The following GOLGA6L2 variants were observed in gnomAD, a reference collection of about 807,000 sequenced individuals.
GOLGA6L2 encodes golgin A6 family like 2.
In GOLGA6L2, 30 loss-of-function variants were observed where a neutral mutation model predicts 35.9. The ratio of observed to expected loss-of-function variants is 0.83; its 90% CI spans 0.62 to 1.13. The LOEUF is 1.13. GOLGA6L2 is among the 50% of genes most tolerant of loss of function. The pLI is 0.00. For missense variants in GOLGA6L2, 821 were observed against 973.4 expected, an observed-to-expected ratio of 0.84 and a Z score of 2.08; for synonymous variants, 297 against 344.0, an observed-to-expected ratio of 0.86 and a Z score of 1.51.
Position 23,439,794 on chromosome 15 carries a change from C to T in GOLGA6L2, c.2681G>A (p.Arg894Gln), listed in dbSNP as rs1256890624. 5 of 1,535,276 alleles carry T rather than the reference C, an allele frequency of 3.3e-6. No individual in the cohort carries two copies. The highest frequency in any genetic ancestry group is 4.4e-6 in the Non-Finnish European group (5 of 1,146,570). The change falls in exon 8 of 8, where the codon CGA (arginine) becomes CAA (glutamine). Residue 894 changes from arginine (R) to glutamine (Q), a missense_variant. Transcript: ENST00000567107. ...AGGCAGGGCTCTGAGCACCGCTCCTCGTGCTCTGGCAGCCTCTCCTGCATC... is the reference window on the plus strand; with the variant it reads ...AGGCAGGGCTCTGAGCACCGCTCCTTGTGCTCTGGCAGCCTCTCCTGCATC... ...REDAGEAARARGAVLRALPPS... is the reference protein window; with the variant it reads ...REDAGEAARAQGAVLRALPPS...
At chr15:23,441,772 A>G in intron 7 of GOLGA6L2, 90 bp from the exon 8 acceptor site, 1 of 1,390,856 alleles carries the variant, frequency 7.2e-7, no homozygotes. Context: ...AAAAATTTTT[A>G]AGCCTTAACA....
chr15:23,447,225 A>G lies in GOLGA6L2; in HGVS notation c.-44T>C. On this transcript the variant is annotated 5_prime_UTR_variant, in exon 1 of 8. Transcript: ENST00000567107. ...GACAAGGATACACCTCCAGTCACGTACCACGCAGCTATGTGACTGAGCCAG... is the reference window on the plus strand; with the variant it reads ...GACAAGGATACACCTCCAGTCACGTGCCACGCAGCTATGTGACTGAGCCAG... 3 of 1,101,066 alleles carry G rather than the reference A, an allele frequency of 2.7e-6. No homozygotes were observed. Among genetic ancestry groups the G allele is most frequent in the Non-Finnish European group, 4.2e-6 (3 of 715,918 alleles). 68.2% of individuals were successfully genotyped at this position (1,101,066 alleles called of 1,614,324 possible).
chr15:23,440,583 T>C lies in GOLGA6L2; in HGVS notation c.1892A>G (p.Glu631Gly), dbSNP rs2070657012. Residue 631 changes from glutamate (E) to glycine (G), a missense_variant, in exon 8 of 8, where the codon GAG (glutamate) becomes GGG (glycine). Transcript: ENST00000567107. Reference protein sequence around the residue: ...GPGGEDARGGEDAGAGEEDAG... With the variant: ...GPGGEDARGGGDAGAGEEDAG... The stretch of plus-strand genomic sequence containing the variant: ...ATCTTCTTCTCCCGCTCCCGCATCC[T>C]CTCCTCCTCTCGCATCTTCTCCTCC... The C allele has an allele frequency of 1.5e-6, 2 of 1,349,646 alleles. No homozygotes were observed. The highest frequency in any genetic ancestry group is 3.0e-5 in the African/African-American group (2 of 67,284). The allele number at this position is 1,349,646 out of a possible 1,614,324, so 83.6% of individuals were successfully genotyped here. A position where few individuals can be genotyped will look rare whatever the true frequency, so the allele number is the denominator to read the frequency against.
At position 23,439,798 on chromosome 15, in the gene GOLGA6L2, C is replaced by T; in HGVS notation, c.2677G>A (p.Ala893Thr). Residue 893 changes from alanine (A) to threonine (T), a missense_variant, in exon 8 of 8, where the codon GCA becomes ACA. Ala to Thr is a moderately conservative substitution (Grantham distance 58). Around this residue, in one of 7 missense-constraint regions of GOLGA6L2, gnomAD observed 48 missense variants for 42.7 expected, o/e 1.12. Coordinates refer to ENST00000567107, the MANE Select transcript of GOLGA6L2 (RefSeq NM_001304388.2). ...AGGGCTCTGAGCACCGCTCCTCGTG[C>T]TCTGGCAGCCTCTCCTGCATCTTCT... ...EREDAGEAARARGAVLRALPP... is the reference protein window; with the variant it reads ...EREDAGEAARTRGAVLRALPP... The T allele has an allele frequency of 1.3e-6, 2 of 1,533,014 alleles. No homozygotes were observed. The highest frequency in any genetic ancestry group is 1.7e-6 in the Non-Finnish European group (2 of 1,145,806). The allele number at this position is 1,533,014 out of a possible 1,614,324, so 95.0% of individuals were successfully genotyped here. A position where few individuals can be genotyped will look rare whatever the true frequency, so the allele number is the denominator to read the frequency against.
At chr15:23,441,919 C>G in intron 7 of GOLGA6L2, 60 bp downstream of exon 7, 1 of 1,522,670 alleles carries the variant, frequency 6.6e-7, no homozygotes, top group Non-Finnish European at 8.8e-7. Context: ...TTGCATGATC[C>G]CTAGACCATG....
In GOLGA6L2 at chr15:23,441,235, G is replaced by T. The variant is rs764848680; in HGVS notation, c.1240C>A (p.Arg414=). ...ERLREKEERM[R]EQEKMWEQVE... The stretch of plus-strand genomic sequence containing the variant: ...TGCTCCCACATCTTCTCCTGCTCCC[G>T]CATCCTCTCCTCCTTCTCCCGTAGC... Residue 414 remains arginine (R), a synonymous_variant, in exon 8 of 8, where the codon CGG becomes AGG. Transcript: ENST00000567107. The T allele has an allele frequency of 1.4e-5, 21 of 1,530,238 alleles. No homozygotes were observed. Among genetic ancestry groups the T allele is most frequent in the Non-Finnish European group, 1.7e-5 (20 of 1,144,008 alleles). The allele number at this position is 1,530,238 out of a possible 1,614,324, so 94.8% of individuals were successfully genotyped here. A position where few individuals can be genotyped will look rare whatever the true frequency, so the allele number is the denominator to read the frequency against.
Position 23,439,153 on chromosome 15 carries a change from C to CTTTT in GOLGA6L2, c.*588_*591dup, listed in dbSNP as rs3038535. On this transcript the variant is annotated 3_prime_UTR_variant, in exon 8 of 8. Transcript: ENST00000567107. ...AGATATCAGAGTCCTCAGGTAGAAA[C>CTTTT]TTTTTTTTTTTTTTTGAGATGGAAT... 0.76 allele frequency among the ~76,000 whole-genome samples: 104,913 copies of CTTTT among 138,470 alleles called. 41,061 individuals are homozygous for CTTTT. The highest frequency in any genetic ancestry group is 0.85 in the Middle Eastern group (217 of 256). 90.8% of individuals were successfully genotyped at this position (138,470 alleles called of 152,430 possible). A position where few individuals can be genotyped will look rare whatever the true frequency, so the allele number is the denominator to read the frequency against.
In GOLGA6L2 at chr15:23,439,920, T is replaced by G; in HGVS notation, c.2555A>C (p.Asp852Ala). 6.5e-7 allele frequency: 1 copy of G among 1,535,080 alleles called. No individual in the cohort carries two copies. The highest frequency in any genetic ancestry group is 8.8e-7 in the Non-Finnish European group (1 of 1,141,134). The change falls in exon 8 of 8, where the codon GAT becomes GCT. Residue 852 changes from aspartate (D) to alanine (A), a missense_variant. Around this residue, in one of 7 missense-constraint regions of GOLGA6L2, gnomAD observed 0 missense variants for 24.7 expected, o/e 0.00. Transcript: ENST00000567107. ...GGEDAGPGGE[D>A]VGPGGEDVGA... ...CACATCTTCTCCTCCTGGCCCCACA[T>G]CTTCTCCTCCTGGCCCCGCATCTTC...
Position 23,440,775 on chromosome 15 carries a change from C to T in GOLGA6L2, c.1700G>A (p.Gly567Glu), listed in dbSNP as rs377626801. 3.6e-5 allele frequency: 52 copies of T among 1,437,360 alleles called. No homozygotes were observed. Among genetic ancestry groups the T allele is most frequent in the Admixed American group, 5.9e-5 (3 of 50,562 alleles). 89.0% of individuals were successfully genotyped at this position (1,437,360 alleles called of 1,614,324 possible). ...TGGTCCCACATCTTCTGCTCCTGATCCCGCATCTTCTCCTCCTGCTCCCAC... is the reference window on the plus strand; with the variant it reads ...TGGTCCCACATCTTCTGCTCCTGATTCCGCATCTTCTCCTCCTGCTCCCAC... The part of the protein sequence containing the change: ...ADVGAGGEDA[G>E]SGAEDVGPGG... The change falls in exon 8 of 8, where the codon GGA becomes GAA. Residue 567 changes from glycine (G) to glutamate (E), a missense_variant. Physicochemically the swap from Gly to Glu is moderately conservative, Grantham distance 98 (BLOSUM62 -2). Coordinates refer to ENST00000567107, the MANE Select transcript of GOLGA6L2 (RefSeq NM_001304388.2).
chr15:23,441,067 C>T lies in GOLGA6L2; in HGVS notation c.1408G>A (p.Glu470Lys), dbSNP rs2070675247. The change falls in exon 8 of 8, where the codon GAG becomes AAG. Residue 470 changes from glutamate to lysine, a missense_variant. Physicochemically the swap from Glu to Lys is moderately conservative, Grantham distance 56. This residue lies in a region of GOLGA6L2 where 614 missense variants were observed against 632.3 expected (regional missense o/e 0.97). Transcript: ENST00000567107. ...REEEETMREQEEKMQKQEENM... is the reference protein window; with the variant it reads ...REEEETMREQKEKMQKQEENM... ...TCCTCCTGCTTCTGCATCTTCTCCT[C>T]CTGCTCCCGCATCGTCTCCTCCTCT... 10 of 1,533,472 alleles carry T rather than the reference C, an allele frequency of 6.5e-6. No homozygotes were observed. Among genetic ancestry groups the T allele is most frequent in the African/African-American group, 2.8e-5 (2 of 72,370 alleles). 95.0% of individuals were successfully genotyped at this position (1,533,472 alleles called of 1,614,324 possible). A position where few individuals can be genotyped will look rare whatever the true frequency, so the allele number is the denominator to read the frequency against.
chr15:23,444,716 G>T (rs531861830), intron 2 of GOLGA6L2, among the ~76,000 whole-genome samples: 2 of 152,182 alleles, frequency 1.3e-5, no homozygotes, highest in Non-Finnish European at 2.9e-5. Context: ...TCTGAAACTA[G>T]ATTATCTCAA....
Position 23,439,857 on chromosome 15 carries a change from G to GAAT in GOLGA6L2, c.2617_2618insATT (p.Ala873delinsAspSer). 2 of 1,220,648 alleles carry GAAT rather than the reference G, an allele frequency of 1.6e-6. 1 individual carries two copies. Among genetic ancestry groups the GAAT allele is most frequent in the Non-Finnish European group, 2.2e-6 (2 of 899,638 alleles). 75.6% of individuals were successfully genotyped at this position (1,220,648 alleles called of 1,614,324 possible). A position where few individuals can be genotyped will look rare whatever the true frequency, so the allele number is the denominator to read the frequency against. ...TCTCGTATCCTCTCCTCCTTCTCTC[G>GAAT]CATCTCCTCCTGCCCCCACATCTTC... On this transcript the variant is annotated protein_altering_variant, in exon 8 of 8. Transcript: ENST00000567107.
chr15:23,446,016 G>T (rs11161116), intron 1 of GOLGA6L2, among the ~76,000 whole-genome samples: 57,907 of 151,994 alleles, frequency 0.38, 11,339 homozygotes, highest in East Asian at 0.59. Context: ...TGCCCCATAT[G>T]TATCCTGTGG....
At position 23,442,583 on chromosome 15, in the gene GOLGA6L2, C is replaced by T; in HGVS notation, c.592-75G>A. 6 of 1,365,684 alleles carry T rather than the reference C, an allele frequency of 4.4e-6. No homozygotes were observed. The East Asian group carries it at 9.9e-5, about 23-fold the overall frequency. The allele number at this position is 1,365,684 out of a possible 1,614,324, so 84.6% of individuals were successfully genotyped here. Reference sequence around the variant, plus strand: ...TGGCCGACCAGGAACAACAGCTACACTGATACTCCACAGTAACACTCCCTC... The same window carrying T: ...TGGCCGACCAGGAACAACAGCTACATTGATACTCCACAGTAACACTCCCTC... On this transcript the variant is annotated intron_variant, in intron 5 of 7. Transcript: ENST00000567107.
intron 5 of GOLGA6L2, among the ~76,000 whole-genome samples, chr15:23,443,561 C>G (rs750350623): frequency 2.6e-5 from 4 of 152,208 alleles, no homozygotes; most frequent in Non-Finnish European, 5.9e-5. Flanking sequence ...CCTTGGAGCT[C>G]TGTGTCCAGT....
rs540950465 is a variant in GOLGA6L2 at position 23,442,316 on chromosome 15, G to A, written c.650+134C>T. ...TACCCCATGAGTCAGTGGCACAGCC[G>A]GCACTAGAGCTTCCCTGTGCACACA... is the stretch of plus-strand genomic sequence containing the variant. On this transcript the variant is annotated intron_variant, in intron 6 of 7. Coordinates refer to ENST00000567107, the MANE Select transcript of GOLGA6L2 (RefSeq NM_001304388.2). 1,414 of 1,189,952 alleles carry A rather than the reference G, an allele frequency of 1.2e-3. 8 individuals carry two copies. The highest frequency in any genetic ancestry group is 7.1e-3 in the South Asian group (508 of 71,310). 73.7% of individuals were successfully genotyped at this position (1,189,952 alleles called of 1,614,324 possible). A position where few individuals can be genotyped will look rare whatever the true frequency, so the allele number is the denominator to read the frequency against.
intron 3 of GOLGA6L2, 68 bp from the exon 4 acceptor site, chr15:23,444,280 C>G (rs1204525263): frequency 1.3e-6 from 2 of 1,551,424 alleles, no homozygotes; most frequent in African/African-American, 2.7e-5. Context: ...GACATGCCCC[C>G]AGAATGGCAC....
Position 23,439,842 on chromosome 15 carries a change from T to G in GOLGA6L2, c.2633A>C (p.Glu878Ala). The G allele has an allele frequency of 6.9e-7, 1 of 1,440,396 alleles. No individual in the cohort carries two copies. Among genetic ancestry groups the G allele is most frequent in the Non-Finnish European group, 9.1e-7 (1 of 1,101,258 alleles). The allele number at this position is 1,440,396 out of a possible 1,614,324, so 89.2% of individuals were successfully genotyped here. A position where few individuals can be genotyped will look rare whatever the true frequency, so the allele number is the denominator to read the frequency against. ...ATCTTCTCTTTCTGATCTCGTATCC[T>G]CTCCTCCTTCTCTCGCATCTCCTCC... ...GAGGDAREGG[E>A]DTRSEREDAG... Residue 878 changes from glutamate (E) to alanine (A), a missense_variant, in exon 8 of 8, where the codon GAG becomes GCG. Glu to Ala is a moderately radical substitution (Grantham distance 107). Around this residue, in one of 7 missense-constraint regions of GOLGA6L2, gnomAD observed 48 missense variants for 42.7 expected, o/e 1.12. Coordinates refer to ENST00000567107, the MANE Select transcript of GOLGA6L2 (RefSeq NM_001304388.2).
intron 2 of GOLGA6L2, among the ~76,000 whole-genome samples, chr15:23,444,776 C>T (rs1439153763): frequency 1.3e-5 from 2 of 152,208 alleles, no homozygotes; most frequent in Non-Finnish European, 2.9e-5. Flanking sequence ...AAAGCCCACC[C>T]TTCTGCTAGC....
Sources: gnomAD v4.1 joint callset for allele counts (sites outside exome capture counted in the v4.1 genomes callset) on GRCh38, gnomAD v4.1.1 for gene constraint, gnomAD v4.1.1 regional missense constraint, MANE v1.5 for transcripts, NCBI Gene and HGNC (gene_info 2026-07-23, HGNC 2026-07-21) for gene names.